The following PTPRO variants were observed in gnomAD, a reference collection of about 807,000 sequenced individuals.
PTPRO encodes the protein receptor-type tyrosine-protein phosphatase O.
PTPRO carries 62 observed loss-of-function variants against 145.2 expected under a neutral mutation model. That is an observed-to-expected ratio of 0.43 (90% CI 0.35 to 0.53). The LOEUF is 0.53. Ranked by LOEUF, PTPRO falls within the 20% of genes least tolerant of loss-of-function variation. The pLI is 0.01. For synonymous variants in PTPRO, 565 were observed against 514.7 expected, an observed-to-expected ratio of 1.10 and a Z score of -1.32; for missense variants, 1,345 against 1,482.7, an observed-to-expected ratio of 0.91 and a Z score of 1.53.
rs369499140 is a variant in PTPRO at position 15,481,432 on chromosome 12, A to G, written c.76-2542A>G. 3.9e-4 allele frequency among the ~76,000 whole-genome samples: 59 copies of G among 152,340 alleles called. 1 individual carries two copies. In the South Asian group the frequency reaches 0.011, roughly 28 times the overall value. On this transcript the variant is annotated intron_variant, in intron 1 of 26. Transcript: ENST00000281171. ...GAACTTAAGTGTCAAAATGACTTTC[A>G]TTCATTAATTGACTCCTTCACAAGA... is the stretch of plus-strand genomic sequence containing the variant.
intron 1 of PTPRO, among the ~76,000 whole-genome samples, chr12:15,474,053 T>C (rs187759332): frequency 1.3e-5 from 2 of 152,320 alleles, no homozygotes; most frequent in Non-Finnish European, 2.9e-5. Flanking sequence ...TGCTTTGCTC[T>C]TAAGCAAGTT....
intron 6 of PTPRO, among the ~76,000 whole-genome samples, chr12:15,506,763 C>A (rs549522354): frequency 6.6e-6 from 1 of 152,164 alleles, no homozygotes; most frequent in Non-Finnish European, 1.5e-5. Flanking sequence ...AGTGGGGACA[C>A]AGAGCCAAAC....
At chr12:15,373,169 G>A (rs1424445815) in intron 1 of PTPRO, among the ~76,000 whole-genome samples, 1 of 152,240 alleles carries the variant, frequency 6.6e-6, no homozygotes, top group Non-Finnish European at 1.5e-5. Context: ...GCTAGGTAAA[G>A]TGGTATAGGG....
intron 14 of PTPRO, among the ~76,000 whole-genome samples, chr12:15,550,638 C>T (rs11056554): frequency 6.6e-6 from 1 of 151,954 alleles, no homozygotes; most frequent in South Asian, 2.1e-4. Flanking sequence ...TCTGATCATG[C>T]GTCCATTGTT....
intron 1 of PTPRO, among the ~76,000 whole-genome samples, chr12:15,474,834 T>C (rs1370642417): frequency 1.3e-5 from 2 of 152,138 alleles, no homozygotes; most frequent in African/African-American, 4.8e-5. Context: ...GAACATAGAT[T>C]CCAGGAAAAG....
In PTPRO at chr12:15,497,422, G is replaced by T. The variant is rs138770041; in HGVS notation, c.508+19G>T. On this transcript the variant is annotated intron_variant, in intron 3 of 26. Coordinates refer to ENST00000281171, the MANE Select transcript of PTPRO (RefSeq NM_030667.3). The stretch of plus-strand genomic sequence containing the variant: ...TATAAAGGTAAGCAGCAAAAGGAAA[G>T]CTGAATCAATGATGACCCTCACTTT... 3 of 1,610,554 alleles carry T rather than the reference G, an allele frequency of 1.9e-6. No individual in the cohort carries two copies. Among genetic ancestry groups the T allele is most frequent in the South Asian group, 1.1e-5 (1 of 91,014 alleles).
Position 15,322,748 on chromosome 12 carries a change from A to T in PTPRO, c.22A>T (p.Ile8Leu), listed in dbSNP as rs761836162. The T allele has an allele frequency of 6.2e-7, 1 of 1,612,076 alleles. No individual in the cohort carries two copies. Among genetic ancestry groups the T allele is most frequent in the South Asian group, 1.1e-5 (1 of 90,922 alleles). The change falls in exon 1 of 27, where the codon ATA (isoleucine) becomes TTA (leucine). Residue 8 changes from isoleucine to leucine, a missense_variant. Ile to Leu is a conservative substitution (Grantham distance 5). Transcript: ENST00000281171. This position sits in a 1 kb window ranked among gnomAD's most constrained non-coding sequence, Gnocchi z 6.3. Reference sequence around the variant, plus strand: ...AGCGATGGGGCACCTGCCCACGGGGATACACGGCGCCCGCCGCCTCCTGCC... The same window carrying T: ...AGCGATGGGGCACCTGCCCACGGGGTTACACGGCGCCCGCCGCCTCCTGCC... MGHLPTG[I>L]HGARRLLPLL...
rs1218134821 is a variant in PTPRO at position 15,549,155 on chromosome 12, A to C, written c.2366A>C (p.Tyr789Ser). 6.2e-7 allele frequency: 1 copy of C among 1,612,140 alleles called. No individual in the cohort carries two copies. The highest frequency in any genetic ancestry group is 8.5e-7 in the Non-Finnish European group (1 of 1,179,514). Reference sequence around the variant, plus strand: ...TCCAGCCTTCTTCCTGCCACTGCCTACAATTGTAGTGTCACCAGCTTTAGC... The same window carrying C: ...TCCAGCCTTCTTCCTGCCACTGCCTCCAATTGTAGTGTCACCAGCTTTAGC... ...TISSLLPATA[Y>S]NCSVTSFSHD... Residue 789 changes from tyrosine to serine, a missense_variant, in exon 14 of 27, where the codon TAC (tyrosine) becomes TCC (serine). Around this residue, in one of 3 missense-constraint regions of PTPRO, gnomAD observed 1,130 missense variants for 1,214.7 expected, o/e 0.93. Transcript: ENST00000281171.
chr12:15,592,599 C>T (rs371699983), intron 25 of PTPRO, among the ~76,000 whole-genome samples: 4 of 152,296 alleles, frequency 2.6e-5, no homozygotes, highest in South Asian at 4.1e-4. Flanking sequence ...GACTTCTTCA[C>T]GCAAGTAGAG....
intron 18 of PTPRO, among the ~76,000 whole-genome samples, chr12:15,566,128 A>C (rs1480673954): frequency 6.6e-6 from 1 of 152,208 alleles, no homozygotes; most frequent in African/African-American, 2.4e-5. Flanking sequence ...TATCTATTAA[A>C]CCATTAAATG....
intron 12 of PTPRO, among the ~76,000 whole-genome samples, chr12:15,531,693 T>C (rs1306923469): frequency 1.3e-5 from 2 of 152,194 alleles, no homozygotes; most frequent in Admixed American, 1.3e-4. Context: ...AGAGACAGTA[T>C]GACCGAAAGA....
intron 24 of PTPRO, 138 bp downstream of exon 24, chr12:15,587,189 GAT>G (rs1336412059): frequency 1.1e-6 from 1 of 928,756 alleles, no homozygotes; most frequent in African/African-American, 1.6e-5. Context: ...ATGATTAATT[GAT>G]GTCTCACTAT....
At chr12:15,594,811 T>C in intron 25 of PTPRO, 126 bp from the exon 26 acceptor site, 1 of 698,036 alleles carries the variant, frequency 1.4e-6, no homozygotes, top group Non-Finnish European at 2.6e-6. Context: ...TATAAAACTG[T>C]GTCTCTGTAA....
intron 1 of PTPRO, among the ~76,000 whole-genome samples, chr12:15,464,366 T>C (rs968391311): frequency 6.6e-6 from 1 of 151,298 alleles, no homozygotes; most frequent in African/African-American, 2.4e-5. Flanking sequence ...TTTTGGGTTT[T>C]TTTTTGGAGA....
At chr12:15,335,303 T>A (rs971042915) in intron 1 of PTPRO, among the ~76,000 whole-genome samples, 4 of 152,014 alleles carry the variant, frequency 2.6e-5, no homozygotes, top group African/African-American at 9.7e-5. Flanking sequence ...AGATAAATAG[T>A]AAAAGACCGA....
intron 15 of PTPRO, among the ~76,000 whole-genome samples, chr12:15,552,577 T>A (rs938780940): frequency 6.6e-6 from 1 of 152,080 alleles, no homozygotes; most frequent in Non-Finnish European, 1.5e-5. Flanking sequence ...ACTGGATATA[T>A]GAATAGATAG....
At chr12:15,381,059 A>C (rs2136274223) in intron 1 of PTPRO, among the ~76,000 whole-genome samples, 2 of 152,322 alleles carry the variant, frequency 1.3e-5, no homozygotes, top group African/African-American at 4.8e-5. Flanking sequence ...ATACCATACT[A>C]GACAGTACAT....
chr12:15,476,441 G>T (rs1941655896), intron 1 of PTPRO, among the ~76,000 whole-genome samples: 1 of 151,688 alleles, frequency 6.6e-6, no homozygotes, highest in Non-Finnish European at 1.5e-5. Flanking sequence ...ATTTGTTTGA[G>T]TTCATTGTAG....
At chr12:15,355,582 G>A (rs1392160953) in intron 1 of PTPRO, among the ~76,000 whole-genome samples, 1 of 152,158 alleles carries the variant, frequency 6.6e-6, no homozygotes, top group Non-Finnish European at 1.5e-5. Flanking sequence ...CTAATCTATT[G>A]CAGAGGTGAA....
Sources: allele counts gnomAD v4.1 joint callset (sites outside exome capture counted in the v4.1 genomes callset), GRCh38; gene constraint gnomAD v4.1.1; regional missense constraint gnomAD v4.1.1; non-coding constraint Gnocchi (gnomAD v3.1); transcripts MANE v1.5; gene names NCBI Gene and HGNC (gene_info 2026-07-23, HGNC 2026-07-21).